Variants in ACTL9 observed in about 807,000 individuals in gnomAD.
ACTL9 encodes actin like 9.
Under a neutral mutation model 0.9 loss-of-function variants are expected in ACTL9, and 1 was observed. That is an observed-to-expected ratio of 1.10 (90% CI 0.39 to 5.23). ACTL9 has a LOEUF of 5.23. ACTL9 is among the 30% of genes most tolerant of loss of function. The pLI, the probability that ACTL9 is intolerant of heterozygous loss-of-function variation, is 0.16. For missense variants in ACTL9, 597 were observed against 566.8 expected, an observed-to-expected ratio of 1.05 and a Z score of -0.54; for synonymous variants, 283 against 269.5, an observed-to-expected ratio of 1.05 and a Z score of -0.49.
rs782337387 is a variant in ACTL9 at position 8,698,348 on chromosome 19, G to A, written c.354C>T (p.Ile118=). ...LTLVQPLRSG[I]VVDWDAAELI... ...GCTCGGCGGCATCCCAGTCCACGACGATGCCGCTGCGCAGGGGTTGCACCA... is the reference window on the plus strand; with the variant it reads ...GCTCGGCGGCATCCCAGTCCACGACAATGCCGCTGCGCAGGGGTTGCACCA... The change falls in exon 1 of 1, where the codon ATC becomes ATT. Residue 118 remains isoleucine, a synonymous_variant. Transcript: ENST00000324436. The A allele has an allele frequency of 6.6e-7, 1 of 1,520,484 alleles. No homozygotes were observed. The allele number at this position is 1,520,484 out of a possible 1,614,324, so 94.2% of individuals were successfully genotyped here. A position where few individuals can be genotyped will look rare whatever the true frequency, so the allele number is the denominator to read the frequency against.
chr19:8,698,407 C>CGAT lies in ACTL9; in HGVS notation c.292_294dup (p.Ile98dup). 13 of 1,516,336 alleles carry CGAT rather than the reference C, an allele frequency of 8.6e-6. No homozygotes were observed. Among genetic ancestry groups the CGAT allele is most frequent in the Non-Finnish European group, 1.1e-5 (13 of 1,131,644 alleles). The allele number at this position is 1,516,336 out of a possible 1,614,324, so 93.9% of individuals were successfully genotyped here. A position where few individuals can be genotyped will look rare whatever the true frequency, so the allele number is the denominator to read the frequency against. On this transcript the variant is annotated inframe_insertion, in exon 1 of 1. Transcript: ENST00000324436. ...TCTGGGAGCACGCGGGCTGCCTCGC[C>CGAT]GATGAACGTCTGCAGCCCGGACTGC...
Position 8,698,507 on chromosome 19 carries a change from A to C in ACTL9, c.195T>G (p.Phe65Leu), listed in dbSNP as rs2043212604. The C allele has an allele frequency of 1.3e-6, 2 of 1,589,216 alleles. No individual in the cohort carries two copies. The highest frequency in any genetic ancestry group is 2.7e-5 in the African/African-American group (2 of 74,508). ...DMGTGTCKVG[F>L]AGQASPTYTV... ...TGTAGGTGGGGCTGGCCTGCCCAGC[A>C]AAACCTACCTTACAGGTGCCTGTGC... Residue 65 changes from phenylalanine to leucine, a missense_variant, in exon 1 of 1, where the codon TTT becomes TTG. Coordinates refer to ENST00000324436, the MANE Select transcript of ACTL9 (RefSeq NM_178525.5).
chr19:8,698,216 T>G lies in ACTL9; in HGVS notation c.486A>C (p.Leu162=), dbSNP rs782537331. Reference sequence around the variant, plus strand: ...GCAGCGACTCGAAGGCCACCTCCACTAGCTTCTCGCGGTTGGTGGCCGGGC... The same window carrying G: ...GCAGCGACTCGAAGGCCACCTCCACGAGCTTCTCGCGGTTGGTGGCCGGGC... The part of the protein sequence containing the change: ...PFSPATNREK[L]VEVAFESLRS... Residue 162 remains leucine, a synonymous_variant, in exon 1 of 1, where the codon CTA becomes CTC. Coordinates refer to ENST00000324436, the MANE Select transcript of ACTL9 (RefSeq NM_178525.5). 1 of 1,597,722 alleles carries G rather than the reference T, an allele frequency of 6.3e-7. No homozygotes were observed. The highest frequency in any genetic ancestry group is 8.5e-7 in the Non-Finnish European group (1 of 1,170,980).
chr19:8,698,598 C>T lies in ACTL9; in HGVS notation c.104G>A (p.Arg35Gln), dbSNP rs376440765. ...SPNVVNKPLQ[R>Q]DSPGMVADRL... The stretch of plus-strand genomic sequence containing the variant: ...GTCGGCCACCATGCCGGGGGAGTCC[C>T]GCTGCAGGGGCTTGTTCACCACGTT... Residue 35 changes from arginine (R) to glutamine (Q), a missense_variant, in exon 1 of 1, where the codon CGG becomes CAG. Physicochemically the swap from Arg to Gln is conservative, Grantham distance 43. Transcript: ENST00000324436. 1.5e-5 allele frequency: 24 copies of T among 1,612,136 alleles called. No homozygotes were observed. The African/African-American group carries it at 2.0e-4, about 13-fold the overall frequency.
In ACTL9 at chr19:8,698,225, G is replaced by A. The variant is rs781971226; in HGVS notation, c.477C>T (p.Arg159=). The A allele has an allele frequency of 1.3e-6, 2 of 1,592,380 alleles. No homozygotes were observed. The highest frequency in any genetic ancestry group is 1.7e-5 in the Admixed American group (1 of 58,988). ...SDPPFSPATN[R]EKLVEVAFES... The stretch of plus-strand genomic sequence containing the variant: ...CGAAGGCCACCTCCACTAGCTTCTC[G>A]CGGTTGGTGGCCGGGCTGAAGGGTG... The change falls in exon 1 of 1, where the codon CGC becomes CGT. Residue 159 remains arginine (R), a synonymous_variant. Transcript: ENST00000324436.
Position 8,698,552 on chromosome 19 carries a change from G to C in ACTL9, c.150C>G (p.Gly50=). The change falls in exon 1 of 1, where the codon GGC becomes GGG. Residue 50 remains glycine (G), a synonymous_variant. Coordinates refer to ENST00000324436, the MANE Select transcript of ACTL9 (RefSeq NM_178525.5). ...MVADRLPPKT[G]AVVIDMGTGT... ...CTGTGCCCATGTCAATAACCACCGC[G>C]CCGGTCTTTGGTGGCAGCCTGTCGG... The C allele has an allele frequency of 1.2e-6, 2 of 1,612,496 alleles. No homozygotes were observed. The highest frequency in any genetic ancestry group is 8.5e-7 in the Non-Finnish European group (1 of 1,178,940).
At position 8,697,443 on chromosome 19, in the gene ACTL9, T is replaced by C. The variant is rs2043203341; in HGVS notation, c.*8A>G. 2.5e-6 allele frequency: 4 copies of C among 1,569,734 alleles called. No individual in the cohort carries two copies. In the East Asian group the frequency reaches 9.0e-5, roughly 35 times the overall value. ...ACTGCCCCCACGCCCTCCCCAGCTCTGCCCTGGTCAGTAGCATTTGCGGTA... is the reference window on the plus strand; with the variant it reads ...ACTGCCCCCACGCCCTCCCCAGCTCCGCCCTGGTCAGTAGCATTTGCGGTA... On this transcript the variant is annotated 3_prime_UTR_variant, in exon 1 of 1. Coordinates refer to ENST00000324436, the MANE Select transcript of ACTL9 (RefSeq NM_178525.5). This position sits in a 1 kb window ranked among gnomAD's most constrained non-coding sequence, Gnocchi z 4.3.
Position 8,698,766 on chromosome 19 carries a change from A to T in ACTL9, c.-65T>A. On this transcript the variant is annotated 5_prime_UTR_variant, in exon 1 of 1. Transcript: ENST00000324436. ...TTGGGGTTGCGGGGAGAAGAGGTTG[A>T]GGCCCGGCCAGTGGGGAGGGCAGGC... 1 of 1,306,776 alleles carries T rather than the reference A, an allele frequency of 7.7e-7. No individual in the cohort carries two copies. The highest frequency in any genetic ancestry group is 1.0e-6 in the Non-Finnish European group (1 of 1,004,764). 80.9% of individuals were successfully genotyped at this position (1,306,776 alleles called of 1,614,324 possible).
At position 8,698,275 on chromosome 19, in the gene ACTL9, C is replaced by A; in HGVS notation, c.427G>T (p.Asp143Tyr). The A allele has an allele frequency of 1.3e-6, 2 of 1,546,812 alleles. No homozygotes were observed. The highest frequency in any genetic ancestry group is 1.7e-6 in the Non-Finnish European group (2 of 1,144,176). The change falls in exon 1 of 1, where the codon GAC becomes TAC. Residue 143 changes from aspartate (D) to tyrosine (Y), a missense_variant. By Grantham distance (160) the Asp-to-Tyr change is radical. Coordinates refer to ENST00000324436, the MANE Select transcript of ACTL9 (RefSeq NM_178525.5). ...LEHDLRVATH[D>Y]HPLLFSDPPF... ...GGGTCGGAGAACAGCAGCGGGTGGTCGTGGGTGGCCACTCGGAGGTCGTGC... is the reference window on the plus strand; with the variant it reads ...GGGTCGGAGAACAGCAGCGGGTGGTAGTGGGTGGCCACTCGGAGGTCGTGC...
chr19:8,698,189 G>A lies in ACTL9; in HGVS notation c.513C>T (p.Arg171=). ...GCGATGCCACGTACATGGCTGGGGA[G>A]CGCAGCGACTCGAAGGCCACCTCCA... is the stretch of plus-strand genomic sequence containing the variant. ...KLVEVAFESL[R]SPAMYVASQS... The change falls in exon 1 of 1, where the codon CGC becomes CGT. Residue 171 remains arginine, a synonymous_variant. Transcript: ENST00000324436. The A allele has an allele frequency of 6.2e-7, 1 of 1,607,470 alleles. No individual in the cohort carries two copies. The highest frequency in any genetic ancestry group is 8.5e-7 in the Non-Finnish European group (1 of 1,178,372).
Position 8,697,912 on chromosome 19 carries a change from C to T in ACTL9, c.790G>A (p.Asp264Asn), listed in dbSNP as rs895115336. 2 of 1,613,458 alleles carry T rather than the reference C, an allele frequency of 1.2e-6. No individual in the cohort carries two copies. Among genetic ancestry groups the T allele is most frequent in the African/African-American group, 1.3e-5 (1 of 74,880 alleles). ...GGCCGGGCCTGCTCCTTCTGGAAGT[C>T]GGAGGCCACGTAGCAATAGTGGTGC... The part of the protein sequence containing the change: ...IKHHYCYVAS[D>N]FQKEQARPEQ... Residue 264 changes from aspartate to asparagine, a missense_variant, in exon 1 of 1, where the codon GAC (aspartate) becomes AAC (asparagine). Physicochemically the swap from Asp to Asn is conservative, Grantham distance 23. Coordinates refer to ENST00000324436, the MANE Select transcript of ACTL9 (RefSeq NM_178525.5). The surrounding 1 kb of genome is among the most constrained non-coding windows in gnomAD (Gnocchi z 4.3).
rs570778234 is a variant in ACTL9, at chr19:8,697,658, G to A, written c.1044C>T (p.Thr348=). The change falls in exon 1 of 1, where the codon ACC becomes ACT. Residue 348 remains threonine, a synonymous_variant. Coordinates refer to ENST00000324436, the MANE Select transcript of ACTL9 (RefSeq NM_178525.5). This position sits in a 1 kb window ranked among gnomAD's most constrained non-coding sequence, Gnocchi z 4.3. The part of the protein sequence containing the change: ...VLLCGGSSLF[T]GFEGRFRAEL... The stretch of plus-strand genomic sequence containing the variant: ...CTGCCCGGAAGCGACCCTCGAAGCC[G>A]GTGAAGAGCGAGGACCCACCGCAGA... 3 of 1,612,790 alleles carry A rather than the reference G, an allele frequency of 1.9e-6. No homozygotes were observed. The highest frequency in any genetic ancestry group is 1.3e-5 in the African/African-American group (1 of 74,994).
At position 8,698,033 on chromosome 19, in the gene ACTL9, C is replaced by T; in HGVS notation, c.669G>A (p.Leu223=). Reference sequence around the variant, plus strand: ...GGAAGGCGGTCAGGTTGTTGCCCGCCAGGTCCAGACGCTCCGTGGCGTGGA... The same window carrying T: ...GGAAGGCGGTCAGGTTGTTGCCCGCTAGGTCCAGACGCTCCGTGGCGTGGA... ...NLLHATERLD[L]AGNNLTAFLA... is the part of the protein sequence containing the mutation. Residue 223 remains leucine, a synonymous_variant, in exon 1 of 1, where the codon CTG becomes CTA. Coordinates refer to ENST00000324436, the MANE Select transcript of ACTL9 (RefSeq NM_178525.5). The T allele has an allele frequency of 6.2e-7, 1 of 1,601,646 alleles. No individual in the cohort carries two copies. Among genetic ancestry groups the T allele is most frequent in the Non-Finnish European group, 8.5e-7 (1 of 1,179,764 alleles).
Position 8,697,904 on chromosome 19 carries a change from C to T in ACTL9, c.798G>A (p.Gln266=). 1.2e-6 allele frequency: 2 copies of T among 1,613,608 alleles called. No individual in the cohort carries two copies. The highest frequency in any genetic ancestry group is 8.5e-7 in the Non-Finnish European group (1 of 1,179,986). The part of the protein sequence containing the change: ...HHYCYVASDF[Q]KEQARPEQEY... ...CCTGCTCCGGCCGGGCCTGCTCCTT[C>T]TGGAAGTCGGAGGCCACGTAGCAAT... Residue 266 remains glutamine, a synonymous_variant, in exon 1 of 1, where the codon CAG becomes CAA. Coordinates refer to ENST00000324436, the MANE Select transcript of ACTL9 (RefSeq NM_178525.5). This position sits in a 1 kb window ranked among gnomAD's most constrained non-coding sequence, Gnocchi z 4.3.
chr19:8,697,569 A>G lies in ACTL9; in HGVS notation c.1133T>C (p.Phe378Ser). ...VVVAAQPTRN[F>S]SVWIGGSILA... Reference sequence around the variant, plus strand: ...GATGGAGCCCCCGATCCATACGGAGAAATTCCTGGTGGGCTGGGCAGCCAC... The same window carrying G: ...GATGGAGCCCCCGATCCATACGGAGGAATTCCTGGTGGGCTGGGCAGCCAC... Residue 378 changes from phenylalanine (F) to serine (S), a missense_variant, in exon 1 of 1, where the codon TTC becomes TCC. Phe to Ser is a radical substitution (Grantham distance 155, BLOSUM62 -2). Transcript: ENST00000324436. The surrounding 1 kb of genome is among the most constrained non-coding windows in gnomAD (Gnocchi z 4.3). 6.2e-7 allele frequency: 1 copy of G among 1,613,634 alleles called. No individual in the cohort carries two copies. Among genetic ancestry groups the G allele is most frequent in the Non-Finnish European group, 8.5e-7 (1 of 1,179,894 alleles).
Position 8,698,133 on chromosome 19 carries a change from C to T in ACTL9, c.569G>A (p.Arg190His), listed in dbSNP as rs1294086012. The T allele has an allele frequency of 1.2e-6, 2 of 1,606,380 alleles. No homozygotes were observed. Among genetic ancestry groups the T allele is most frequent in the Non-Finnish European group, 1.7e-6 (2 of 1,179,960 alleles). The change falls in exon 1 of 1, where the codon CGT (arginine) becomes CAT (histidine). Residue 190 changes from arginine to histidine, a missense_variant. Coordinates refer to ENST00000324436, the MANE Select transcript of ACTL9 (RefSeq NM_178525.5). Reference protein sequence around the residue: ...QSVLSVYAHGRVSGLVVDTGH... With the variant: ...QSVLSVYAHGHVSGLVVDTGH... The stretch of plus-strand genomic sequence containing the variant: ...CGTGTCCACCACCAGCCCGCTGACA[C>T]GACCGTGGGCGTAGACAGACAGCAC...
Position 8,697,951 on chromosome 19 carries a change from C to T in ACTL9, c.751G>A (p.Val251Met). 6.2e-7 allele frequency: 1 copy of T among 1,613,108 alleles called. No individual in the cohort carries two copies. The highest frequency in any genetic ancestry group is 8.5e-7 in the Non-Finnish European group (1 of 1,180,010). Reference sequence around the variant, plus strand: ...CAATAGTGGTGCTTAATGTTCTCCACTAGGTCCAGGTCCTGCTGTCCCAGG... The same window carrying T: ...CAATAGTGGTGCTTAATGTTCTCCATTAGGTCCAGGTCCTGCTGTCCCAGG... ...LPLGQQDLDLVENIKHHYCYV... is the reference protein window; with the variant it reads ...LPLGQQDLDLMENIKHHYCYV... The change falls in exon 1 of 1, where the codon GTG becomes ATG. Residue 251 changes from valine to methionine, a missense_variant. Val to Met is a conservative substitution (Grantham distance 21, BLOSUM62 1). Transcript: ENST00000324436. The surrounding 1 kb of genome is among the most constrained non-coding windows in gnomAD (Gnocchi z 4.3).
rs147435496 is a variant in ACTL9 at position 8,697,946 on chromosome 19, C to T, written c.756G>A (p.Glu252=). Residue 252 remains glutamate, a synonymous_variant, in exon 1 of 1, where the codon GAG becomes GAA. Transcript: ENST00000324436. This position sits in a 1 kb window ranked among gnomAD's most constrained non-coding sequence, Gnocchi z 4.3. ...PLGQQDLDLV[E]NIKHHYCYVA... ...CGTAGCAATAGTGGTGCTTAATGTT[C>T]TCCACTAGGTCCAGGTCCTGCTGTC... The T allele has an allele frequency of 3.1e-6, 5 of 1,613,200 alleles. No homozygotes were observed. The Admixed American group carries it at 6.7e-5, about 22-fold the overall frequency.
At position 8,697,465 on chromosome 19, in the gene ACTL9, G is replaced by C. The variant is rs781918753; in HGVS notation, c.1237C>G (p.Arg413Gly). The C allele has an allele frequency of 6.3e-7, 1 of 1,595,754 alleles. No homozygotes were observed. Among genetic ancestry groups the C allele is most frequent in the Non-Finnish European group, 8.5e-7 (1 of 1,172,122 alleles). Residue 413 changes from arginine (R) to glycine (G), a missense_variant, in exon 1 of 1, where the codon CGC becomes GGC. Transcript: ENST00000324436. This position sits in a 1 kb window ranked among gnomAD's most constrained non-coding sequence, Gnocchi z 4.3. ...YEEQGPYIVY[R>G]KCY Reference sequence around the variant, plus strand: ...CTCTGCCCTGGTCAGTAGCATTTGCGGTACACGATATAGGGACCCTGTTCC... The same window carrying C: ...CTCTGCCCTGGTCAGTAGCATTTGCCGTACACGATATAGGGACCCTGTTCC...
Sources: gnomAD v4.1 joint callset for allele counts on GRCh38, gnomAD v4.1.1 for gene constraint, Gnocchi (gnomAD v3.1) non-coding constraint, MANE v1.5 for transcripts, NCBI Gene and HGNC (gene_info 2026-07-23, HGNC 2026-07-21) for gene names.